The following CACNA1C variants were observed in gnomAD, a reference collection of about 807,000 sequenced individuals.
CACNA1C encodes the protein calcium voltage-gated channel subunit alpha1 C, also known as voltage-dependent L-type calcium channel subunit alpha-1C.
In CACNA1C, 30 loss-of-function variants were observed where a neutral mutation model predicts 229.0. The observed-to-expected ratio is 0.13, with a 90% CI of 0.10 to 0.18. CACNA1C has a LOEUF of 0.18. CACNA1C is among the 10% of genes least tolerant of loss of function. The pLI, the probability that CACNA1C is intolerant of heterozygous loss-of-function variation, is 1.00. For missense variants in CACNA1C, 1,658 were observed against 2,845.0 expected, an observed-to-expected ratio of 0.58 and a Z score of 9.49; for synonymous variants, 1,114 against 1,132.5, an observed-to-expected ratio of 0.98 and a Z score of 0.33.
intron 3 of CACNA1C, among the ~76,000 whole-genome samples, chr12:2,266,669 G>A (rs1333390134): frequency 6.6e-6 from 1 of 152,244 alleles, no homozygotes; most frequent in African/African-American, 2.4e-5. Flanking sequence ...AGCAGAAATA[G>A]GATAACAGTA....
chr12:2,211,344 G>A (rs563743375), intron 3 of CACNA1C, among the ~76,000 whole-genome samples: 1 of 152,354 alleles, frequency 6.6e-6, no homozygotes, highest in South Asian at 2.1e-4. Context: ...GAGAACGTCA[G>A]GTTTTGTGGG....
intron 3 of CACNA1C, among the ~76,000 whole-genome samples, chr12:2,271,680 G>T (rs1024784178): frequency 6.6e-6 from 1 of 152,070 alleles, no homozygotes; most frequent in Non-Finnish European, 1.5e-5. Flanking sequence ...CAGGAGAATT[G>T]CTTGAGCCCA....
intron 4 of CACNA1C, among the ~76,000 whole-genome samples, chr12:2,449,407 C>T (rs569448710): frequency 2.6e-5 from 4 of 152,282 alleles, no homozygotes; most frequent in South Asian, 4.2e-4. Context: ...CAGTTGGTGG[C>T]GTGAACTTCC....
chr12:2,641,712 AG>A (rs1406850960), intron 30 of CACNA1C: 1 of 702,428 alleles, frequency 1.4e-6, no homozygotes, highest in Non-Finnish European at 2.6e-6. Context: ...TGTACCTTGA[AG>A]AGAAGGCGAT....
Position 2,346,485 on chromosome 12 carries a change from G to A in CACNA1C, c.478-102491G>A, listed in dbSNP as rs1388995211. On this transcript the variant is annotated intron_variant, in intron 3 of 46. Coordinates refer to ENST00000399655, the MANE Select transcript of CACNA1C (RefSeq NM_000719.7). The surrounding 1 kb of genome is among the most constrained non-coding windows in gnomAD (Gnocchi z 4.4). Reference sequence around the variant, plus strand: ...AATGTTTTTGCTGTCCAGGGCTTTGGGACAATGGGCTTGCTATGTTTTAAA... The same window carrying A: ...AATGTTTTTGCTGTCCAGGGCTTTGAGACAATGGGCTTGCTATGTTTTAAA... Among the ~76,000 whole-genome samples, 2 of 152,148 alleles carry A rather than the reference G, an allele frequency of 1.3e-5. No homozygotes were observed. Among genetic ancestry groups the A allele is most frequent in the African/African-American group, 4.8e-5 (2 of 41,416 alleles).
At chr12:2,258,121 A>G (rs1052490109) in intron 3 of CACNA1C, among the ~76,000 whole-genome samples, 1 of 152,220 alleles carries the variant, frequency 6.6e-6, no homozygotes, top group Admixed American at 6.5e-5. Context: ...CCACCATAGT[A>G]AAGCTCATAT....
At chr12:2,233,887 C>T (rs2066284320) in intron 3 of CACNA1C, among the ~76,000 whole-genome samples, 1 of 152,160 alleles carries the variant, frequency 6.6e-6, no homozygotes, top group Non-Finnish European at 1.5e-5. Flanking sequence ...CCTCCACCTA[C>T]AAGTCAAGTT....
intron 1 of CACNA1C, among the ~76,000 whole-genome samples, chr12:2,100,479 AC>A (rs2075890789): frequency 1.3e-4 from 9 of 68,466 alleles, no homozygotes; most frequent in Non-Finnish European, 1.5e-4. Flanking sequence ...AAAAAAAAAA[AC>A]AAAAAAAAAA....
Position 2,678,190 on chromosome 12 carries a change from A to G in CACNA1C, c.5091+323A>G, listed in dbSNP as rs925365275. 6.6e-6 allele frequency among the ~76,000 whole-genome samples: 1 copy of G among 152,244 alleles called. No individual in the cohort carries two copies. The highest frequency in any genetic ancestry group is 1.9e-4 in the East Asian group (1 of 5,188). On this transcript the variant is annotated intron_variant, in intron 41 of 46. Transcript: ENST00000399655. This position sits in a 1 kb window ranked among gnomAD's most constrained non-coding sequence, Gnocchi z 4.1. Reference sequence around the variant, plus strand: ...TGCAGAGTGGTCACCCCTGGGGCACATCTAATCTGCAGGCTTGTTTTGTTT... The same window carrying G: ...TGCAGAGTGGTCACCCCTGGGGCACGTCTAATCTGCAGGCTTGTTTTGTTT...
rs1395654306 is a variant in CACNA1C at position 2,287,749 on chromosome 12, C to T, written c.478-161227C>T. Reference sequence around the variant, plus strand: ...ATTTGTGTAAACACAGATTCCTGGGCTCCAGCTTCCGAGTTTCAGTGGCTC... The same window carrying T: ...ATTTGTGTAAACACAGATTCCTGGGTTCCAGCTTCCGAGTTTCAGTGGCTC... On this transcript the variant is annotated intron_variant, in intron 3 of 46. Coordinates refer to ENST00000399655, the MANE Select transcript of CACNA1C (RefSeq NM_000719.7). The surrounding 1 kb of genome is among the most constrained non-coding windows in gnomAD (Gnocchi z 4.6). Among the ~76,000 whole-genome samples, 8 of 152,152 alleles carry T rather than the reference C, an allele frequency of 5.3e-5. No homozygotes were observed. The highest frequency in any genetic ancestry group is 4.6e-4 in the Admixed American group (7 of 15,278).
At chr12:2,277,354 GACAGACAGACACACAC>G (rs1435253082) in intron 3 of CACNA1C, among the ~76,000 whole-genome samples, 1,249 of 86,300 alleles carry the variant, frequency 0.014, 6 homozygotes, top group Admixed American at 0.033. Flanking sequence ...CAGACAGACA[GACAGACAGACACACAC>G]ACACACACAC....
chr12:2,640,491 G>A (rs932178220), intron 30 of CACNA1C, among the ~76,000 whole-genome samples: 28 of 152,240 alleles, frequency 1.8e-4, no homozygotes, highest in African/African-American at 6.3e-4. Context: ...TACACACCCG[G>A]ATCCGTGTCT....
chr12:2,344,092 A>T (rs1388650726), intron 3 of CACNA1C, among the ~76,000 whole-genome samples: 1 of 152,192 alleles, frequency 6.6e-6, no homozygotes, highest in Non-Finnish European at 1.5e-5. Flanking sequence ...TGAAAACGGA[A>T]TTAGGTTACC....
At chr12:2,395,460 C>T (rs753879114) in intron 3 of CACNA1C, among the ~76,000 whole-genome samples, 24 of 152,144 alleles carry the variant, frequency 1.6e-4, no homozygotes, top group Non-Finnish European at 3.2e-4. Flanking sequence ...CTCATGTGAT[C>T]CATCCACCTT....
At position 2,681,239 on chromosome 12, in the gene CACNA1C, G is replaced by T. The variant is rs566376107; in HGVS notation, c.5445-1311G>T. On this transcript the variant is annotated intron_variant, in intron 42 of 46. Coordinates refer to ENST00000399655, the MANE Select transcript of CACNA1C (RefSeq NM_000719.7). ...AGAGGGATGTTTAGAGGAGCTGGGG[G>T]AGGAGACCCCAGGGGATTTCCTTGT... 6.3e-4 allele frequency among the ~76,000 whole-genome samples: 96 copies of T among 152,306 alleles called. 1 individual carries two copies. The highest frequency in any genetic ancestry group is 1.9e-4 in the Non-Finnish European group (13 of 68,028).
At chr12:2,600,763 C>T (rs374400933) in intron 21 of CACNA1C, among the ~76,000 whole-genome samples, 1 of 152,182 alleles carries the variant, frequency 6.6e-6, no homozygotes. Flanking sequence ...TTCACAAAGC[C>T]AGGGGATAGT....
intron 3 of CACNA1C, among the ~76,000 whole-genome samples, chr12:2,289,740 G>A (rs921144674): frequency 6.6e-6 from 1 of 152,042 alleles, no homozygotes; most frequent in Non-Finnish European, 1.5e-5. Flanking sequence ...GCTGCCGATG[G>A]GTACACACCG....
chr12:2,656,835 A>G (rs1270341356), intron 34 of CACNA1C, among the ~76,000 whole-genome samples: 1 of 152,254 alleles, frequency 6.6e-6, no homozygotes, highest in African/African-American at 2.4e-5. Context: ...TGGAGAAAGA[A>G]CAGCCTTGTT....
intron 3 of CACNA1C, among the ~76,000 whole-genome samples, chr12:2,203,099 C>T (rs1052726122): frequency 6.6e-6 from 1 of 152,168 alleles, no homozygotes; most frequent in African/African-American, 2.4e-5. Context: ...GGGGGTGTAG[C>T]CATGCATACC....
Sources: gnomAD v4.1 joint callset for allele counts (sites outside exome capture counted in the v4.1 genomes callset) on GRCh38, gnomAD v4.1.1 for gene constraint, Gnocchi (gnomAD v3.1) non-coding constraint, MANE v1.5 for transcripts, NCBI Gene and HGNC (gene_info 2026-07-23, HGNC 2026-07-21) for gene names.